The following CSMD1 variants were observed in gnomAD, a reference collection of about 807,000 sequenced individuals.
The protein encoded by CSMD1 is CUB and Sushi multiple domains 1.
CSMD1 carries 213 observed loss-of-function variants against 417.5 expected under a neutral mutation model. That is an observed-to-expected ratio of 0.51 (90% CI 0.46 to 0.57). The LOEUF (loss-of-function observed/expected upper bound fraction) is 0.57. Ranked by LOEUF, CSMD1 falls within the 20% of genes least tolerant of loss-of-function variation. CSMD1 has a pLI of 0.00. For synonymous variants in CSMD1, 2,862 were observed against 1,736.8 expected (o/e 1.65, Z -16.11); for missense variants, 6,923 against 4,529.7 (o/e 1.53, Z -15.17).
chr8:3,555,224 G>C (rs1799092209), intron 10 of CSMD1, among the ~76,000 whole-genome samples: 2 of 151,544 alleles, frequency 1.3e-5, no homozygotes, highest in African/African-American at 4.9e-5. Context: ...TTTGTGAGCA[G>C]TGCTTGTGAA....
Position 3,439,141 on chromosome 8 carries a change from AAAAAAAAAAAACC to A in CSMD1, c.1562-29549_1562-29537del, listed in dbSNP as rs1563390082. 3.2e-4 allele frequency among the ~76,000 whole-genome samples: 42 copies of A among 130,500 alleles called. 2 individuals are homozygous for A. The East Asian group carries it at 7.3e-3, about 23-fold the overall frequency. The allele number at this position is 130,500 out of a possible 152,430, so 85.6% of individuals were successfully genotyped here. Reference sequence around the variant, plus strand: ...CCATCTCAAAAAAAAAAAAAAAAAAAAAAAAAAAAAACCAAGAAAAAAAAAAGAAAAAGAAAAA... The same window carrying A: ...CCATCTCAAAAAAAAAAAAAAAAAAAAAGAAAAAAAAAAGAAAAAGAAAAA... On this transcript the variant is annotated intron_variant, in intron 12 of 69. Coordinates refer to ENST00000635120, the MANE Select transcript of CSMD1 (RefSeq NM_033225.6).
rs564847626 is a variant in CSMD1 at position 3,603,293 on chromosome 8, T to A, written c.1097+13417A>T. On this transcript the variant is annotated intron_variant, in intron 8 of 69. Transcript: ENST00000635120. ...TCAAAAGCTACCTGCCTGCCTTCAG[T>A]TACAGGCATAGGAATATGTTATGTT... 7.9e-5 allele frequency among the ~76,000 whole-genome samples: 12 copies of A among 152,186 alleles called. No individual in the cohort carries two copies. The South Asian group carries it at 2.5e-3, about 32-fold the overall frequency.
chr8:4,192,200 A>T (rs1201540250), intron 3 of CSMD1, among the ~76,000 whole-genome samples: 1 of 152,206 alleles, frequency 6.6e-6, no homozygotes, highest in African/African-American at 2.4e-5. Flanking sequence ...TAAAAATCAA[A>T]GTTAAAACAG....
chr8:3,956,453 C>A (rs1811953779), intron 5 of CSMD1, among the ~76,000 whole-genome samples: 1 of 152,136 alleles, frequency 6.6e-6, no homozygotes, highest in Non-Finnish European at 1.5e-5. Context: ...CTTGTGATAG[C>A]TTGAGTTTCA....
At chr8:4,035,304 C>A (rs1466762183) in intron 3 of CSMD1, among the ~76,000 whole-genome samples, 1 of 152,102 alleles carries the variant, frequency 6.6e-6, no homozygotes, top group East Asian at 1.9e-4. Flanking sequence ...ACTGCATATG[C>A]TTGATGATAA....
At chr8:3,672,559 G>A (rs543804382) in intron 7 of CSMD1, among the ~76,000 whole-genome samples, 19 of 152,262 alleles carry the variant, frequency 1.2e-4, no homozygotes, top group African/African-American at 4.1e-4. Flanking sequence ...GGTAATAATG[G>A]TTTAAAGCTC....
chr8:3,676,399 C>A (rs554906348), intron 7 of CSMD1, among the ~76,000 whole-genome samples: 2 of 152,162 alleles, frequency 1.3e-5, no homozygotes, highest in Non-Finnish European at 2.9e-5. Flanking sequence ...ATATACCAAG[C>A]ACCATGCTGG....
intron 41 of CSMD1, among the ~76,000 whole-genome samples, chr8:3,142,158 A>G (rs1818542793): frequency 6.6e-6 from 1 of 152,184 alleles, no homozygotes; most frequent in South Asian, 2.1e-4. Context: ...GAGTCACAAT[A>G]AAACTCCGGT....
At chr8:4,384,614 T>A (rs903550291) in intron 3 of CSMD1, among the ~76,000 whole-genome samples, 6 of 151,286 alleles carry the variant, frequency 4.0e-5, no homozygotes, top group Non-Finnish European at 7.4e-5. Flanking sequence ...AAAAATAAAA[T>A]AGAAGATTTT....
intron 3 of CSMD1, among the ~76,000 whole-genome samples, chr8:4,376,206 G>C (rs1802723275): frequency 6.6e-6 from 1 of 152,184 alleles, no homozygotes; most frequent in Admixed American, 6.5e-5. Flanking sequence ...TGCTGGCTCT[G>C]TTTGTCAATA....
intron 3 of CSMD1, among the ~76,000 whole-genome samples, chr8:4,144,917 G>C (rs1219848058): frequency 6.6e-6 from 1 of 151,070 alleles, no homozygotes; most frequent in Non-Finnish European, 1.5e-5. Flanking sequence ...CTATCAGTGA[G>C]TGGAGTGAAG....
At chr8:3,294,191 T>C (rs1335088175) in intron 25 of CSMD1, among the ~76,000 whole-genome samples, 1 of 152,062 alleles carries the variant, frequency 6.6e-6, no homozygotes, top group East Asian at 1.9e-4. Flanking sequence ...CTGGAAGTTT[T>C]GTCTCAGAGT....
intron 12 of CSMD1, among the ~76,000 whole-genome samples, chr8:3,424,919 C>G (rs943684185): frequency 6.6e-6 from 1 of 152,194 alleles, no homozygotes; most frequent in East Asian, 1.9e-4. Context: ...ACTATGATCT[C>G]AGGCTCCTGG....
chr8:3,903,013 G>A (rs1038482688), intron 5 of CSMD1, among the ~76,000 whole-genome samples: 1 of 152,076 alleles, frequency 6.6e-6, no homozygotes, highest in Non-Finnish European at 1.5e-5. Flanking sequence ...TACGATGAAT[G>A]CACGTTTCTG....
At chr8:3,083,610 TTATATATATATATATATATA>T (rs1554507974) in intron 49 of CSMD1, among the ~76,000 whole-genome samples, 4 of 30,930 alleles carry the variant, frequency 1.3e-4, no homozygotes, top group Non-Finnish European at 1.6e-4. Context: ...ACCATAATTT[TTATATATATATATATATATA>T]TATATATATA....
At position 3,010,078 on chromosome 8, in the gene CSMD1, G is replaced by A. The variant is rs1421457441; in HGVS notation, c.8029+8399C>T. Among the ~76,000 whole-genome samples the A allele has an allele frequency of 2.0e-5, 3 of 152,126 alleles. No homozygotes were observed. The East Asian group carries it at 5.8e-4, about 29-fold the overall frequency. The stretch of plus-strand genomic sequence containing the variant: ...TTTGTCTGCAGTCTTGCCTGCCGGT[G>A]TCACGTCTTTCTGTCCCTCAAACTT... On this transcript the variant is annotated intron_variant, in intron 52 of 69. Transcript: ENST00000635120.
chr8:4,036,378 G>A (rs913939988), intron 3 of CSMD1, among the ~76,000 whole-genome samples: 2 of 152,218 alleles, frequency 1.3e-5, no homozygotes, highest in Non-Finnish European at 2.9e-5. Context: ...CTGCGCAATG[G>A]TATTTTCCAG....
chr8:3,752,596 G>T (rs746711830), intron 6 of CSMD1, among the ~76,000 whole-genome samples: 1 of 144,588 alleles, frequency 6.9e-6, no homozygotes, highest in Non-Finnish European at 1.5e-5. Context: ...GGAGGTTGCA[G>T]TGAGGCAAGA....
chr8:4,175,049 G>A (rs550917868), intron 3 of CSMD1, among the ~76,000 whole-genome samples: 1 of 151,544 alleles, frequency 6.6e-6, no homozygotes, highest in South Asian at 2.1e-4. Context: ...CTTTCTAAGT[G>A]AACCCTGGGC....
Sources: gnomAD v4.1 joint callset for allele counts (sites outside exome capture counted in the v4.1 genomes callset) on GRCh38, gnomAD v4.1.1 for gene constraint, MANE v1.5 for transcripts, NCBI Gene and HGNC (gene_info 2026-07-23, HGNC 2026-07-21) for gene names.